The following PLCB4 variants were observed in gnomAD, a reference collection of about 807,000 sequenced individuals.
PLCB4 encodes 1-phosphatidylinositol 4,5-bisphosphate phosphodiesterase beta-4.
PLCB4 carries 77 observed loss-of-function variants against 178.8 expected under a neutral mutation model. The observed-to-expected ratio is 0.43, with a 90% CI of 0.36 to 0.52. The LOEUF (loss-of-function observed/expected upper bound fraction) is 0.52. Ranked by LOEUF, PLCB4 falls within the 20% of genes least tolerant of loss-of-function variation. The probability of loss-of-function intolerance (pLI) is 0.00; values close to 1 mark genes in which losing one functional copy is unlikely to be tolerated. For missense variants in PLCB4, 1,024 were observed against 1,453.4 expected, an observed-to-expected ratio of 0.70 and a Z score of 4.80; for synonymous variants, 496 against 490.8, an observed-to-expected ratio of 1.01 and a Z score of -0.14.
chr20:9,342,448 G>A (rs577753837), intron 7 of PLCB4, among the ~76,000 whole-genome samples: 2 of 152,186 alleles, frequency 1.3e-5, no homozygotes, highest in African/African-American at 4.8e-5. Context: ...CTCTTACTTA[G>A]CCCATGCAAT....
intron 33 of PLCB4, among the ~76,000 whole-genome samples, chr20:9,454,005 A>G (rs1226929990): frequency 6.6e-6 from 1 of 152,064 alleles, no homozygotes; most frequent in Non-Finnish European, 1.5e-5. Context: ...CTTGTTTTCC[A>G]CTCTGGGATC....
chr20:9,222,503 T>G (rs781707180), intron 3 of PLCB4, among the ~76,000 whole-genome samples: 15 of 152,116 alleles, frequency 9.9e-5, no homozygotes, highest in Non-Finnish European at 1.8e-4. Flanking sequence ...ACATAGAACA[T>G]TTTGAATTTT....
intron 2 of PLCB4, among the ~76,000 whole-genome samples, chr20:9,205,781 C>T (rs991824092): frequency 1.3e-5 from 2 of 152,204 alleles, no homozygotes; most frequent in African/African-American, 4.8e-5. Context: ...TTCCTTCTCT[C>T]CTCTCTAACC....
chr20:9,275,427 C>G (rs760669619), intron 3 of PLCB4, among the ~76,000 whole-genome samples: 1 of 152,040 alleles, frequency 6.6e-6, no homozygotes, highest in Non-Finnish European at 1.5e-5. Flanking sequence ...CAAACCATAT[C>G]ATTTATGAAA....
At chr20:9,445,159 C>T (rs1258021368) in intron 32 of PLCB4, among the ~76,000 whole-genome samples, 1 of 152,218 alleles carries the variant, frequency 6.6e-6, no homozygotes, top group East Asian at 1.9e-4. Context: ...AACATCGTCA[C>T]TTCCAGACTC....
At chr20:9,076,125 G>A (rs766561308) in intron 1 of PLCB4, among the ~76,000 whole-genome samples, 2 of 151,986 alleles carry the variant, frequency 1.3e-5, no homozygotes, top group Admixed American at 6.6e-5. Flanking sequence ...ACAAAGTTGA[G>A]GGGGGAAGGG....
At chr20:9,449,717 C>T (rs763420674) in intron 32 of PLCB4, among the ~76,000 whole-genome samples, 8 of 152,192 alleles carry the variant, frequency 5.3e-5, no homozygotes, top group Non-Finnish European at 7.4e-5. Context: ...GAGAAGCCTA[C>T]TAAACTCTGG....
chr20:9,203,925 A>G (rs1361701037), intron 2 of PLCB4, among the ~76,000 whole-genome samples: 1 of 151,716 alleles, frequency 6.6e-6, no homozygotes, highest in Non-Finnish European at 1.5e-5. Context: ...TACTTTTCAG[A>G]GTCCCAAGAG....
chr20:9,075,515 C>T (rs143919494), intron 1 of PLCB4, among the ~76,000 whole-genome samples: 7 of 152,148 alleles, frequency 4.6e-5, no homozygotes, highest in South Asian at 2.1e-4. Context: ...TCTGGAAGGC[C>T]GGTTTTTACC....
chr20:9,197,721 A>G (rs1399739751), intron 2 of PLCB4, among the ~76,000 whole-genome samples: 1 of 152,230 alleles, frequency 6.6e-6, no homozygotes, highest in Non-Finnish European at 1.5e-5. Context: ...CATGCCTGTA[A>G]TCCCAGCACT....
chr20:9,273,654 C>G (rs1404699709), intron 3 of PLCB4, among the ~76,000 whole-genome samples: 1 of 148,964 alleles, frequency 6.7e-6, no homozygotes, highest in Non-Finnish European at 1.5e-5. Context: ...GATGATAATA[C>G]AGACTGGTTA....
chr20:9,081,945 GATATTGTAATCAGT>G (rs1398021839), intron 1 of PLCB4, among the ~76,000 whole-genome samples: 1 of 151,320 alleles, frequency 6.6e-6, no homozygotes, highest in Non-Finnish European at 1.5e-5. Flanking sequence ...CAGAAATCCT[GATATTGTAATCAGT>G]ATACTAGATC....
At chr20:9,357,694 G>A (rs965611370) in intron 7 of PLCB4, among the ~76,000 whole-genome samples, 5 of 152,128 alleles carry the variant, frequency 3.3e-5, no homozygotes, top group Non-Finnish European at 7.3e-5. Flanking sequence ...CACTGCATGA[G>A]GACATAGCTA....
At chr20:9,110,245 T>C (rs1345199798) in intron 2 of PLCB4, among the ~76,000 whole-genome samples, 1 of 151,916 alleles carries the variant, frequency 6.6e-6, no homozygotes, top group African/African-American at 2.4e-5. Flanking sequence ...GAAGAAGAAA[T>C]GCCAAAAATA....
intron 30 of PLCB4, among the ~76,000 whole-genome samples, chr20:9,442,298 ACATTCC>A (rs2042155536): frequency 6.6e-6 from 1 of 152,150 alleles, no homozygotes; most frequent in Non-Finnish European, 1.5e-5. Context: ...CACGCATGGA[ACATTCC>A]CATTATTGTG....
At chr20:9,235,907 T>C (rs1368095851) in intron 3 of PLCB4, among the ~76,000 whole-genome samples, 1 of 152,220 alleles carries the variant, frequency 6.6e-6, no homozygotes, top group Non-Finnish European at 1.5e-5. Flanking sequence ...TCTTTATCTA[T>C]TCCAGGCCAG....
At chr20:9,129,076 T>A (rs2092206915) in intron 2 of PLCB4, among the ~76,000 whole-genome samples, 1 of 152,198 alleles carries the variant, frequency 6.6e-6, no homozygotes, top group African/African-American at 2.4e-5. Context: ...CATCCATCAA[T>A]GGACACTTGG....
At chr20:9,124,921 A>T (rs2146774113) in intron 2 of PLCB4, among the ~76,000 whole-genome samples, 1 of 152,296 alleles carries the variant, frequency 6.6e-6, no homozygotes, top group African/African-American at 2.4e-5. Context: ...TTTATTATGA[A>T]GTGTTTATAT....
At chr20:9,295,799 T>C (rs1165117109) in intron 3 of PLCB4, among the ~76,000 whole-genome samples, 7 of 152,170 alleles carry the variant, frequency 4.6e-5, no homozygotes. Flanking sequence ...TTGGTACCAG[T>C]ACCATGCTGT....
Sources: allele counts gnomAD v4.1 joint callset (sites outside exome capture counted in the v4.1 genomes callset), GRCh38; gene constraint gnomAD v4.1.1; transcripts MANE v1.5; gene names NCBI Gene and HGNC (gene_info 2026-07-23, HGNC 2026-07-21).